The following CFAP299 variants were observed in gnomAD, a reference collection of about 807,000 sequenced individuals.
CFAP299 encodes the protein cilia and flagella associated protein 299.
A neutral mutation model predicts 27.0 loss-of-function variants in CFAP299; 21 were observed. The ratio of observed to expected loss-of-function variants is 0.78; its 90% CI spans 0.55 to 1.12. The LOEUF (loss-of-function observed/expected upper bound fraction) is 1.12. Ranked by LOEUF, CFAP299 falls within the 50% of genes most tolerant of loss-of-function variation. The pLI, the probability that CFAP299 is intolerant of heterozygous loss-of-function variation, is 0.00. For synonymous variants in CFAP299, 104 were observed against 98.1 expected, an observed-to-expected ratio of 1.06 and a Z score of -0.36; for missense variants, 310 against 276.6, an observed-to-expected ratio of 1.12 and a Z score of -0.86.
chr4:80,730,885 A>T (rs2110055327), intron 3 of CFAP299, among the ~76,000 whole-genome samples: 1 of 152,316 alleles, frequency 6.6e-6, no homozygotes, highest in South Asian at 2.1e-4. Flanking sequence ...ATTCCCACAG[A>T]CACCGTTATT....
intron 2 of CFAP299, chr4:80,387,519 T>C: frequency 8.3e-6 from 7 of 840,692 alleles, no homozygotes; most frequent in South Asian, 1.5e-5. Flanking sequence ...GTGGCGAGCT[T>C]GGTAGGGGCT....
intron 3 of CFAP299, among the ~76,000 whole-genome samples, chr4:80,628,313 A>G (rs577508036): frequency 3.0e-4 from 45 of 152,214 alleles, no homozygotes; most frequent in Admixed American, 2.7e-3. Context: ...CTTATCTCAC[A>G]CCATATATAA....
chr4:80,676,775 A>G (rs1719490173), intron 3 of CFAP299, among the ~76,000 whole-genome samples: 2 of 151,678 alleles, frequency 1.3e-5, no homozygotes, highest in South Asian at 4.2e-4. Flanking sequence ...GATTATTTGT[A>G]TTTCTGTGGT....
At chr4:80,487,200 C>G (rs975012030) in intron 2 of CFAP299, among the ~76,000 whole-genome samples, 9 of 152,158 alleles carry the variant, frequency 5.9e-5, no homozygotes, top group Admixed American at 5.9e-4. Flanking sequence ...TTTATATATA[C>G]CATTTCTAAT....
intron 3 of CFAP299, among the ~76,000 whole-genome samples, chr4:80,709,320 G>A (rs1284545649): frequency 6.6e-6 from 1 of 152,090 alleles, no homozygotes; most frequent in Non-Finnish European, 1.5e-5. Context: ...CTGTTGAAAA[G>A]TATAAAGACA....
At chr4:80,600,051 A>T (rs1007162486) in intron 3 of CFAP299, among the ~76,000 whole-genome samples, 1 of 152,118 alleles carries the variant, frequency 6.6e-6, no homozygotes, top group South Asian at 2.1e-4. Flanking sequence ...TGCCTCTGAG[A>T]TCAGTTTAAC....
intron 2 of CFAP299, among the ~76,000 whole-genome samples, chr4:80,526,907 G>A (rs778600738): frequency 1.2e-4 from 18 of 152,098 alleles, no homozygotes; most frequent in Admixed American, 3.3e-4. Flanking sequence ...AACAAATTAC[G>A]CAACAAATAT....
chr4:80,356,443 G>A (rs560716268), intron 1 of CFAP299, among the ~76,000 whole-genome samples: 2 of 152,150 alleles, frequency 1.3e-5, no homozygotes, highest in South Asian at 2.1e-4. Flanking sequence ...CCATTTTCAC[G>A]ACATTGATTC....
intron 2 of CFAP299, among the ~76,000 whole-genome samples, chr4:80,407,806 CT>C (rs1726510060): frequency 6.6e-6 from 1 of 152,146 alleles, no homozygotes; most frequent in South Asian, 2.1e-4. Flanking sequence ...TATCCTCTTA[CT>C]TTCCTTTTTA....
intron 1 of CFAP299, among the ~76,000 whole-genome samples, chr4:80,354,586 A>G (rs1237920450): frequency 2.0e-5 from 3 of 152,052 alleles, no homozygotes; most frequent in Non-Finnish European, 4.4e-5. Context: ...TAAAAGTGTC[A>G]TGGGGATTTG....
intron 1 of CFAP299, among the ~76,000 whole-genome samples, chr4:80,358,037 A>G (rs140751219): frequency 6.6e-6 from 1 of 151,942 alleles, no homozygotes; most frequent in Non-Finnish European, 1.5e-5. Context: ...AGCATATTGT[A>G]CCTTTGTTCT....
chr4:80,742,867 A>T (rs1260421939), intron 3 of CFAP299, among the ~76,000 whole-genome samples: 1 of 152,200 alleles, frequency 6.6e-6, no homozygotes, highest in Admixed American at 6.5e-5. Context: ...AAAGCTCAAA[A>T]AAACACAAAT....
intron 2 of CFAP299, among the ~76,000 whole-genome samples, chr4:80,507,983 A>C (rs781669992): frequency 6.6e-6 from 1 of 152,204 alleles, no homozygotes; most frequent in Non-Finnish European, 1.5e-5. Context: ...ATATTTTTAA[A>C]ATTGGTCTTA....
chr4:80,815,555 G>A (rs1029399816), intron 3 of CFAP299, among the ~76,000 whole-genome samples: 1 of 151,506 alleles, frequency 6.6e-6, no homozygotes, highest in African/African-American at 2.4e-5. Context: ...GAATAATGAG[G>A]TATTAGTTTA....
At chr4:80,531,821 T>A (rs1733484375) in intron 2 of CFAP299, among the ~76,000 whole-genome samples, 1 of 148,302 alleles carries the variant, frequency 6.7e-6, no homozygotes, top group South Asian at 2.2e-4. Flanking sequence ...TGGCACGATC[T>A]CGGCTCACTG....
intron 2 of CFAP299, chr4:80,386,641 G>A: frequency 6.3e-7 from 1 of 1,594,920 alleles, no homozygotes; most frequent in Non-Finnish European, 8.6e-7. Flanking sequence ...ACTTGTAGTA[G>A]CCCGTGTGGG....
intron 3 of CFAP299, among the ~76,000 whole-genome samples, chr4:80,843,814 G>A (rs568166204): frequency 1.2e-3 from 181 of 151,812 alleles, no homozygotes; most frequent in African/African-American, 2.1e-3. Context: ...ACAATGTGCC[G>A]GTTTGTTACA....
intron 2 of CFAP299, among the ~76,000 whole-genome samples, chr4:80,410,185 G>C (rs1446837285): frequency 2.6e-5 from 4 of 152,166 alleles, no homozygotes; most frequent in Non-Finnish European, 5.9e-5. Context: ...CTTTTAAATT[G>C]TAGCAAGAGA....
chr4:80,383,570 G>A (rs72860710), intron 2 of CFAP299, among the ~76,000 whole-genome samples: 23,485 of 152,022 alleles, frequency 0.15, 1,994 homozygotes, highest in East Asian at 0.25. Flanking sequence ...CAGAAAAAGA[G>A]CAACTCTGTT....
Sources: allele counts gnomAD v4.1 joint callset (sites outside exome capture counted in the v4.1 genomes callset), GRCh38; gene constraint gnomAD v4.1.1; transcripts MANE v1.5; gene names NCBI Gene and HGNC (gene_info 2026-07-23, HGNC 2026-07-21).